AGBL4: variants seen among roughly 807,000 people sequenced by gnomAD.
AGBL4 encodes AGBL carboxypeptidase 4, also known as cytosolic carboxypeptidase 6.
AGBL4 carries 58 observed loss-of-function variants against 66.4 expected under a neutral mutation model. That is an observed-to-expected ratio of 0.87 (90% CI 0.71 to 1.09). The LOEUF is 1.09. Among genes scored for constraint, AGBL4 ranks in the 50% least tolerant of loss-of-function variants. AGBL4 has a pLI of 0.00. For missense variants in AGBL4, 579 were observed against 631.0 expected (o/e 0.92, Z 0.88); for synonymous variants, 234 against 222.9 (o/e 1.05, Z -0.44).
chr1:49,837,253 C>A (rs1645875494), intron 2 of AGBL4, among the ~76,000 whole-genome samples: 1 of 152,152 alleles, frequency 6.6e-6, no homozygotes, highest in Admixed American at 6.5e-5. Flanking sequence ...AGATGCCCTG[C>A]CCAGAGAGGA....
intron 11 of AGBL4, among the ~76,000 whole-genome samples, chr1:48,547,165 T>C (rs891833620): frequency 2.0e-5 from 3 of 151,804 alleles, no homozygotes; most frequent in African/African-American, 4.8e-5. Flanking sequence ...ACTTTCTTGG[T>C]GAATGGGAAG....
At chr1:49,570,461 T>G (rs1446262652) in intron 3 of AGBL4, among the ~76,000 whole-genome samples, 3 of 152,150 alleles carry the variant, frequency 2.0e-5, no homozygotes, top group Non-Finnish European at 4.4e-5. Context: ...TTGTGGTTTT[T>G]TGACTTCCTT....
intron 2 of AGBL4, chr1:49,845,833 G>C: frequency 6.7e-7 from 1 of 1,496,760 alleles, no homozygotes; most frequent in Admixed American, 1.7e-5. Flanking sequence ...GAAGCCGTTC[G>C]ACTGCAGTCA....
At chr1:49,695,443 A>G (rs969142968) in intron 3 of AGBL4, among the ~76,000 whole-genome samples, 6 of 152,188 alleles carry the variant, frequency 3.9e-5, no homozygotes, top group Non-Finnish European at 8.8e-5. Flanking sequence ...TCAGTAACAC[A>G]GACTTTGGAA....
intron 3 of AGBL4, among the ~76,000 whole-genome samples, chr1:49,489,774 T>C (rs774439244): frequency 3.3e-5 from 5 of 151,936 alleles, no homozygotes; most frequent in African/African-American, 1.2e-4. Context: ...CCCAGCAGCA[T>C]TTATTGAAGA....
At chr1:49,284,161 A>T (rs1326843471) in intron 3 of AGBL4, among the ~76,000 whole-genome samples, 1 of 152,236 alleles carries the variant, frequency 6.6e-6, no homozygotes, top group African/African-American at 2.4e-5. Context: ...TCAGACTAAC[A>T]GCAGCGGATC....
intron 3 of AGBL4, among the ~76,000 whole-genome samples, chr1:49,421,721 G>T (rs534160414): frequency 1.3e-5 from 2 of 152,044 alleles, no homozygotes; most frequent in African/African-American, 4.8e-5. Context: ...GTATTAGTTT[G>T]CTTTTGTGGA....
intron 9 of AGBL4, among the ~76,000 whole-genome samples, chr1:48,626,485 G>A (rs769005339): frequency 6.6e-6 from 1 of 152,204 alleles, no homozygotes; most frequent in Non-Finnish European, 1.5e-5. Flanking sequence ...CAGCAGCCAG[G>A]ACTTTTGTGC....
chr1:49,366,342 A>G (rs1401907880), intron 3 of AGBL4, among the ~76,000 whole-genome samples: 2 of 152,168 alleles, frequency 1.3e-5, no homozygotes, highest in African/African-American at 4.8e-5. Context: ...CCTATCCGCT[A>G]TTGTACCTGG....
chr1:49,962,531 T>C (rs1169085616), intron 1 of AGBL4, among the ~76,000 whole-genome samples: 1 of 152,144 alleles, frequency 6.6e-6, no homozygotes, highest in African/African-American at 2.4e-5. Context: ...AATCTTATAT[T>C]GTACCTAACC....
intron 6 of AGBL4, among the ~76,000 whole-genome samples, chr1:48,794,895 A>G (rs1417138426): frequency 1.3e-5 from 2 of 152,156 alleles, no homozygotes; most frequent in Non-Finnish European, 2.9e-5. Context: ...ATGGCATCTC[A>G]AATATTTCAA....
At chr1:48,768,891 G>T (rs989208767) in intron 6 of AGBL4, among the ~76,000 whole-genome samples, 3 of 152,140 alleles carry the variant, frequency 2.0e-5, no homozygotes, top group African/African-American at 7.2e-5. Flanking sequence ...CTGGCCGATG[G>T]TGTTTGTTTT....
intron 5 of AGBL4, among the ~76,000 whole-genome samples, chr1:48,912,196 A>G (rs1653187662): frequency 6.6e-6 from 1 of 151,566 alleles, no homozygotes; most frequent in South Asian, 2.1e-4. Flanking sequence ...CCTGACAGCA[A>G]CAATGTAAGC....
chr1:49,243,227 T>A (rs2148324041), intron 4 of AGBL4, among the ~76,000 whole-genome samples: 1 of 151,880 alleles, frequency 6.6e-6, no homozygotes, highest in East Asian at 1.9e-4. Flanking sequence ...TTTGTTATAG[T>A]GCTTGCCTTG....
chr1:49,586,079 A>C (rs1644641229), intron 3 of AGBL4, among the ~76,000 whole-genome samples: 2 of 152,194 alleles, frequency 1.3e-5, no homozygotes, highest in African/African-American at 4.8e-5. Flanking sequence ...AGAAGACACA[A>C]ATATTTATGG....
At chr1:49,918,109 C>T (rs201003524) in intron 1 of AGBL4, among the ~76,000 whole-genome samples, 6 of 152,180 alleles carry the variant, frequency 3.9e-5, no homozygotes, top group African/African-American at 1.2e-4. Context: ...ATTTATAGCA[C>T]GAAATGCCAA....
At chr1:49,175,994 C>A (rs1402520870) in intron 4 of AGBL4, among the ~76,000 whole-genome samples, 1 of 152,106 alleles carries the variant, frequency 6.6e-6, no homozygotes, top group African/African-American at 2.4e-5. Flanking sequence ...GTTTTTCCTG[C>A]CCATACAATT....
chr1:49,287,720 G>A (rs1340850826), intron 3 of AGBL4, among the ~76,000 whole-genome samples: 4 of 150,860 alleles, frequency 2.7e-5, no homozygotes, highest in Non-Finnish European at 4.4e-5. Context: ...AACAACAGGT[G>A]CTGGAGAGGA....
At chr1:49,253,300 T>C (rs1317871223) in intron 3 of AGBL4, among the ~76,000 whole-genome samples, 1 of 151,988 alleles carries the variant, frequency 6.6e-6, no homozygotes, top group African/African-American at 2.4e-5. Context: ...AAGCCCAAAA[T>C]GACAAAGAAG....
Sources: gnomAD v4.1 joint callset for allele counts (sites outside exome capture counted in the v4.1 genomes callset) on GRCh38, gnomAD v4.1.1 for gene constraint, MANE v1.5 for transcripts, NCBI Gene and HGNC (gene_info 2026-07-23, HGNC 2026-07-21) for gene names.